Variants in THRB observed in about 807,000 individuals in gnomAD.
THRB encodes thyroid hormone receptor beta.
A neutral mutation model predicts 47.8 loss-of-function variants in THRB; 12 were observed. That is an observed-to-expected ratio of 0.25 (90% confidence interval 0.16 to 0.41). The LOEUF (loss-of-function observed/expected upper bound fraction) is 0.41, where lower values mean the gene tolerates loss of function less well. Ranked by LOEUF, THRB falls within the 10% of genes least tolerant of loss-of-function variation. The pLI is 1.00. For missense variants in THRB, 348 were observed against 589.2 expected, an observed-to-expected ratio of 0.59 and a Z score of 4.24; for synonymous variants, 218 against 212.2, an observed-to-expected ratio of 1.03 and a Z score of -0.24.
chr3:24,340,318 C>T (rs1484358208), intron 1 of THRB, among the ~76,000 whole-genome samples: 1 of 151,912 alleles, frequency 6.6e-6, no homozygotes, highest in African/African-American at 2.4e-5. Flanking sequence ...ATTAATTCCT[C>T]CTCCTTCTCC....
At chr3:24,246,600 C>T (rs1300259049) in intron 3 of THRB, among the ~76,000 whole-genome samples, 1 of 152,186 alleles carries the variant, frequency 6.6e-6, no homozygotes, top group African/African-American at 2.4e-5. Context: ...TGACTCTTTT[C>T]AGCAATTCTG....
At chr3:24,453,232 C>T (rs575583324) in intron 1 of THRB, among the ~76,000 whole-genome samples, 1 of 152,334 alleles carries the variant, frequency 6.6e-6, no homozygotes, top group African/African-American at 2.4e-5. Flanking sequence ...CACTATGTGC[C>T]AGGTACTCTT....
chr3:24,383,062 T>G (rs546669124), intron 1 of THRB, among the ~76,000 whole-genome samples: 9 of 152,266 alleles, frequency 5.9e-5, no homozygotes, highest in Admixed American at 3.9e-4. Context: ...TCAGAGAAAC[T>G]CACGTACTCT....
chr3:24,233,760 G>A (rs531321625), intron 3 of THRB, among the ~76,000 whole-genome samples: 19 of 152,200 alleles, frequency 1.2e-4, no homozygotes, highest in Admixed American at 3.3e-4. Context: ...AGTCACATGA[G>A]GGGTAGAGAG....
intron 3 of THRB, among the ~76,000 whole-genome samples, chr3:24,252,969 C>T (rs1008468702): frequency 6.6e-6 from 1 of 152,016 alleles, no homozygotes. Flanking sequence ...CAGACCTTTC[C>T]ATACATTTTA....
chr3:24,469,314 G>A (rs1282800811), intron 1 of THRB, among the ~76,000 whole-genome samples: 1 of 152,172 alleles, frequency 6.6e-6, no homozygotes, highest in African/African-American at 2.4e-5. Flanking sequence ...ATACGTTCAT[G>A]AGTTATTAAT....
At chr3:24,376,060 T>C (rs1369751627) in intron 1 of THRB, among the ~76,000 whole-genome samples, 2 of 152,164 alleles carry the variant, frequency 1.3e-5, no homozygotes, top group Non-Finnish European at 2.9e-5. Flanking sequence ...TCTGTAAATA[T>C]GAAGTAGCTT....
intron 3 of THRB, among the ~76,000 whole-genome samples, chr3:24,280,011 T>C (rs1208851366): frequency 1.3e-5 from 2 of 152,104 alleles, no homozygotes; most frequent in Non-Finnish European, 2.9e-5. Context: ...GTTAATAGGG[T>C]CCAGCGCACA....
At chr3:24,338,344 A>C (rs1350543789) in intron 1 of THRB, among the ~76,000 whole-genome samples, 1 of 152,230 alleles carries the variant, frequency 6.6e-6, no homozygotes, top group Non-Finnish European at 1.5e-5. Flanking sequence ...TTCCTTTTTA[A>C]CATTCACATA....
In THRB at chr3:24,454,829, A is replaced by C. The variant is rs537730479; in HGVS notation, c.-261+39823T>G. The stretch of plus-strand genomic sequence containing the variant: ...TCTCTGATTTTAGAGGAAAGAAAAC[A>C]TACTCGGAAAGAATAAACATCCTTT... On this transcript the variant is annotated intron_variant, in intron 1 of 10. Coordinates refer to ENST00000646209, the MANE Select transcript of THRB (RefSeq NM_001354712.2). Among the ~76,000 whole-genome samples the C allele has an allele frequency of 2.0e-5, 3 of 152,350 alleles. No homozygotes were observed. The South Asian group carries it at 6.2e-4, about 32-fold the overall frequency.
At chr3:24,481,922 C>T (rs908648957) in intron 1 of THRB, among the ~76,000 whole-genome samples, 5 of 151,832 alleles carry the variant, frequency 3.3e-5, no homozygotes, top group African/African-American at 1.2e-4. Context: ...ATTATTATTA[C>T]CTTTTGCAAA....
intron 1 of THRB, among the ~76,000 whole-genome samples, chr3:24,411,258 CA>C (rs2068269864): frequency 6.6e-6 from 1 of 151,706 alleles, no homozygotes; most frequent in South Asian, 2.1e-4. Context: ...GCCATTTTCT[CA>C]ATATCAAAAA....
chr3:24,325,465 T>C (rs1030551730), intron 2 of THRB, among the ~76,000 whole-genome samples: 3 of 152,188 alleles, frequency 2.0e-5, no homozygotes, highest in African/African-American at 7.2e-5. Flanking sequence ...GGCGGATGGA[T>C]CACCTAAGGT....
At chr3:24,379,186 A>C (rs1212103403) in intron 1 of THRB, among the ~76,000 whole-genome samples, 1 of 152,114 alleles carries the variant, frequency 6.6e-6, no homozygotes, top group Non-Finnish European at 1.5e-5. Flanking sequence ...TTATGTGCTC[A>C]TTTCTACATT....
chr3:24,224,179 A>G (rs185196617), intron 4 of THRB, among the ~76,000 whole-genome samples: 1 of 152,256 alleles, frequency 6.6e-6, no homozygotes, highest in Admixed American at 6.5e-5. Context: ...GTTTATCCAG[A>G]GGGAAATTAT....
chr3:24,405,977 T>C (rs1294297598), intron 1 of THRB, among the ~76,000 whole-genome samples: 16 of 151,624 alleles, frequency 1.1e-4, no homozygotes, highest in Non-Finnish European at 2.4e-4. Context: ...TATTTTAGAG[T>C]TGCTAATGTG....
intron 5 of THRB, among the ~76,000 whole-genome samples, chr3:24,178,501 T>C (rs1482228135): frequency 1.3e-5 from 2 of 152,126 alleles, no homozygotes; most frequent in Non-Finnish European, 2.9e-5. Context: ...AAAAAAATCA[T>C]GAGGAAACAT....
chr3:24,310,847 T>C (rs531314802), intron 2 of THRB, among the ~76,000 whole-genome samples: 16 of 152,282 alleles, frequency 1.1e-4, no homozygotes, highest in Non-Finnish European at 5.9e-5. Flanking sequence ...AAAATGTCAA[T>C]AGTGCTGCTG....
At chr3:24,216,423 G>C (rs2046566657) in intron 4 of THRB, among the ~76,000 whole-genome samples, 1 of 152,116 alleles carries the variant, frequency 6.6e-6, no homozygotes, top group African/African-American at 2.4e-5. Context: ...GGCTAACATG[G>C]TGAAACCCTG....
Sources: gnomAD v4.1 joint callset for allele counts (sites outside exome capture counted in the v4.1 genomes callset) on GRCh38, gnomAD v4.1.1 for gene constraint, MANE v1.5 for transcripts, NCBI Gene and HGNC (gene_info 2026-07-23, HGNC 2026-07-21) for gene names.